Variants in NBPF20 observed in about 807,000 individuals in gnomAD.
The protein encoded by NBPF20 is NBPF member 20.
NBPF20 carries 90 observed loss-of-function variants against 68.1 expected under a neutral mutation model. That is an observed-to-expected ratio of 1.32 (90% CI 1.11 to 1.58). The LOEUF is 1.58. Ranked by LOEUF, NBPF20 falls within the 40% of genes most tolerant of loss-of-function variation. NBPF20 has a pLI of 0.00. For missense variants in NBPF20, 816 were observed against 601.2 expected (o/e 1.36, Z -3.74); for synonymous variants, 290 against 228.1 (o/e 1.27, Z -2.45).
chr1:145,372,549 C>G, exon 36 of NBPF20: 1 of 439,318 alleles, frequency 2.3e-6, no homozygotes, highest in Non-Finnish European at 3.8e-6. Context: ...ACTGTTCCTC[C>G]AATGAGTAAA....
chr1:145,406,801 C>CA (rs1163257159), upstream of NBPF20, among the ~76,000 whole-genome samples: 3 of 131,642 alleles, frequency 2.3e-5, no homozygotes, highest in African/African-American at 9.2e-5. Flanking sequence ...TTTATACATA[C>CA]ATATTTTTTG....
chr1:145,425,211 G>A, the NBPF20 span, among the ~76,000 whole-genome samples: 15 of 152,236 alleles, frequency 9.9e-5, no homozygotes, highest in African/African-American at 1.7e-4. Flanking sequence ...CGGCGGGGCC[G>A]GAACACACGC....
chr1:145,394,765 G>C (rs1446484133), intron 8 of NBPF20, among the ~76,000 whole-genome samples: 11 of 152,084 alleles, frequency 7.2e-5, no homozygotes, highest in African/African-American at 2.7e-4. Flanking sequence ...GCACGGGCAT[G>C]GCCTGAGACT....
At chr1:145,397,277 C>T (rs1662295638) in intron 7 of NBPF20, among the ~76,000 whole-genome samples, 1 of 151,894 alleles carries the variant, frequency 6.6e-6, no homozygotes, top group African/African-American at 2.4e-5. Flanking sequence ...CATTTGGGTA[C>T]ACACCCAGTA....
At chr1:145,402,544 G>A (rs1375922572) in intron 3 of NBPF20, among the ~76,000 whole-genome samples, 163 bp from the exon 9 acceptor site, 2 of 152,006 alleles carry the variant, frequency 1.3e-5, no homozygotes, top group Non-Finnish European at 2.9e-5. Context: ...AATAGAAAAT[G>A]GTTTACAGGC....
At chr1:145,421,563 G>A in the NBPF20 span, among the ~76,000 whole-genome samples, 5 of 152,104 alleles carry the variant, frequency 3.3e-5, no homozygotes, top group Admixed American at 3.3e-4. Flanking sequence ...TGCCAGGCAA[G>A]GTCAAGTACT....
intron 137 of NBPF20, 24 bp downstream of exon 142, chr1:145,292,357 G>A (rs782701121): frequency 3.0e-6 from 2 of 665,660 alleles, no homozygotes; most frequent in South Asian, 1.7e-5. Context: ...ACAGAATTAA[G>A]CATCCACAAT....
In NBPF20 at chr1:145,291,320, G is replaced by T; in HGVS notation, c.*206C>A. 1.1e-5 allele frequency: 8 copies of T among 760,278 alleles called. No homozygotes were observed. In the South Asian group the frequency reaches 1.4e-4, roughly 14 times the overall value. The allele number at this position is 760,278 out of a possible 1,614,324, so 47.1% of individuals were successfully genotyped here. ...CTCCCGGCATGTGCTGCACAGTTAT[G>T]TGAACGTGTCACACCTAACGTGGGT... On this transcript the variant is annotated 3_prime_UTR_variant, in exon 138 of 138. Coordinates refer to ENST00000369373, the Ensembl canonical transcript of NBPF20.
At chr1:145,406,183 C>T (rs1432777216), upstream of NBPF20, among the ~76,000 whole-genome samples, 1 of 151,270 alleles carries the variant, frequency 6.6e-6, no homozygotes, top group Non-Finnish European at 1.5e-5. Flanking sequence ...GATCTGCCGC[C>T]TCGGCCTCCC....
At chr1:145,400,323 C>T (rs1662459829) in intron 6 of NBPF20, 66 bp downstream of exon 11, 1 of 1,602,514 alleles carries the variant, frequency 6.2e-7, no homozygotes, top group Non-Finnish European at 8.5e-7. Context: ...TTTATAGAGC[C>T]TGTCTTCAGA....
chr1:145,292,387 C>A, exon 137 of NBPF20: 1 of 681,910 alleles, frequency 1.5e-6, no homozygotes, highest in Non-Finnish European at 2.6e-6. Context: ...TCACCTGGGG[C>A]ATGGTGGGTT....
Position 145,395,831 on chromosome 1 carries a change from CA to C in NBPF20, c.828-691del, listed in dbSNP as rs1165750976. ...ACATCAACAAAAAAGACATCCACCC[CA>C]AAACCCCATCTGTAGGTCACCATCA... On this transcript the variant is annotated intron_variant, in intron 7 of 137. Coordinates refer to ENST00000369373, the Ensembl canonical transcript of NBPF20. Among the ~76,000 whole-genome samples the C allele has an allele frequency of 5.4e-5, 8 of 147,796 alleles. 1 individual carries two copies. The highest frequency in any genetic ancestry group is 1.1e-4 in the African/African-American group (4 of 37,506).
the NBPF20 span, among the ~76,000 whole-genome samples, chr1:145,421,658 CATA>C: frequency 4.5e-4 from 69 of 152,036 alleles, no homozygotes; most frequent in Non-Finnish European, 4.0e-4. Context: ...ACAAAATAAT[CATA>C]ATAACAACAA....
At chr1:145,398,369 A>G (rs1273428803) in intron 7 of NBPF20, among the ~76,000 whole-genome samples, 2 of 151,810 alleles carry the variant, frequency 1.3e-5, no homozygotes, top group Non-Finnish European at 2.9e-5. Context: ...AATGGAAATC[A>G]CAACAAACTG....
intron 2 of NBPF20, among the ~76,000 whole-genome samples, chr1:145,404,769 T>C (rs1420204892): frequency 6.6e-6 from 1 of 151,976 alleles, no homozygotes; most frequent in Non-Finnish European, 1.5e-5. Context: ...AGACTACATG[T>C]TATTTGTCTG....
chr1:145,395,659 G>T (rs1318911466), intron 7 of NBPF20, among the ~76,000 whole-genome samples: 1 of 149,256 alleles, frequency 6.7e-6, no homozygotes, highest in African/African-American at 2.6e-5. Flanking sequence ...ACCTCTCCCT[G>T]GATTTAAACA....
upstream of NBPF20, among the ~76,000 whole-genome samples, chr1:145,409,693 C>T (rs1416062485): frequency 6.6e-6 from 1 of 151,230 alleles, no homozygotes; most frequent in South Asian, 2.1e-4. Context: ...GGGCCCCCAG[C>T]ACCTAGACCC....
chr1:145,292,470 C>A (rs782635498), exon 137 of NBPF20: 3 of 715,872 alleles, frequency 4.2e-6, no homozygotes, highest in African/African-American at 2.1e-5. Context: ...TTTTCTTCCC[C>A]TTCCCCTTCT....
Position 145,292,066 on chromosome 1 carries a change from C to T in NBPF20, c.16698-297G>A, listed in dbSNP as rs587619851. ...TCAAAGGACACTCTGAGTTAGTGTC[C>T]TCATGACACACAGCAAACTGTGATC... On this transcript the variant is annotated intron_variant, in intron 137 of 137. Coordinates refer to ENST00000369373, the Ensembl canonical transcript of NBPF20. 6.0e-5 allele frequency among the ~76,000 whole-genome samples: 9 copies of T among 149,430 alleles called. No individual in the cohort carries two copies. In the South Asian group the frequency reaches 1.9e-3, roughly 31 times the overall value.
Sources: gnomAD v4.1 joint callset for allele counts (sites outside exome capture counted in the v4.1 genomes callset) on GRCh38, gnomAD v4.1.1 for gene constraint, MANE v1.5 for transcripts, NCBI Gene and HGNC (gene_info 2026-07-23, HGNC 2026-07-21) for gene names.